Variants in SPRYD4 observed in about 807,000 individuals in gnomAD.
The protein encoded by SPRYD4 is SPRY domain containing 4.
A neutral mutation model predicts 16.6 loss-of-function variants in SPRYD4; 12 were observed. That is an observed-to-expected ratio of 0.72 (90% CI 0.46 to 1.17). The LOEUF (loss-of-function observed/expected upper bound fraction) is 1.17, where lower values mean the gene tolerates loss of function less well. SPRYD4 is among the 50% of genes most tolerant of loss of function. SPRYD4 has a pLI of 0.00. For synonymous variants in SPRYD4, 98 were observed against 105.4 expected (o/e 0.93, Z 0.43); for missense variants, 260 against 260.2 (o/e 1.00, Z 0.00).
chr12:56,476,014 T>G lies in SPRYD4; in HGVS notation c.*6437T>G. On this transcript the variant is annotated 3_prime_UTR_variant, in exon 2 of 2. Transcript: ENST00000338146. The stretch of plus-strand genomic sequence containing the variant: ...GAGAGAGATGTCAGCATTCTAAGTG[T>G]AGGAGGATGACAGAGGGAAGGGTCA... The G allele has an allele frequency of 6.2e-7, 1 of 1,604,548 alleles. No homozygotes were observed. The highest frequency in any genetic ancestry group is 8.5e-7 in the Non-Finnish European group (1 of 1,175,160).
rs1276252096 is a variant in SPRYD4, at chr12:56,471,098, C to G, written c.*1521C>G. On this transcript the variant is annotated 3_prime_UTR_variant, in exon 2 of 2. Transcript: ENST00000338146. ...CATGTATATAGCCATTCCCACTTCCCATATTCTGTGGATATGTACATGTGC... is the reference window on the plus strand; with the variant it reads ...CATGTATATAGCCATTCCCACTTCCGATATTCTGTGGATATGTACATGTGC... The G allele has an allele frequency of 8.3e-6, 3 of 363,114 alleles. No individual in the cohort carries two copies. Among genetic ancestry groups the G allele is most frequent in the Admixed American group, 4.5e-5 (1 of 22,148 alleles). The allele number at this position is 363,114 out of a possible 1,614,324, so 22.5% of individuals were successfully genotyped here.
At position 56,479,659 on chromosome 12, in the gene SPRYD4, ATAAG is replaced by A; in HGVS notation, c.*10086_*10089del. On this transcript the variant is annotated 3_prime_UTR_variant, in exon 2 of 2. Coordinates refer to ENST00000338146, the MANE Select transcript of SPRYD4 (RefSeq NM_207344.4). ...TGAGTATTCATGTATAACTTATGTAATAAGTAATAAAATAAAATGAGGAATTGAA... is the reference window on the plus strand; with the variant it reads ...TGAGTATTCATGTATAACTTATGTAATAATAAAATAAAATGAGGAATTGAA... 8.5e-7 allele frequency: 1 copy of A among 1,176,286 alleles called. No individual in the cohort carries two copies. Among genetic ancestry groups the A allele is most frequent in the Non-Finnish European group, 1.1e-6 (1 of 881,812 alleles). The allele number at this position is 1,176,286 out of a possible 1,614,324, so 72.9% of individuals were successfully genotyped here.
chr12:56,474,748 G>A lies in SPRYD4; in HGVS notation c.*5171G>A. The A allele has an allele frequency of 3.1e-6, 5 of 1,609,920 alleles. No individual in the cohort carries two copies. The highest frequency in any genetic ancestry group is 3.4e-6 in the Non-Finnish European group (4 of 1,177,230). On this transcript the variant is annotated 3_prime_UTR_variant, in exon 2 of 2. Transcript: ENST00000338146. Reference sequence around the variant, plus strand: ...ATGAAAACAAAGAATAGGTGAAGATGTGACGTGAACCTGCACATGGGACCC... The same window carrying A: ...ATGAAAACAAAGAATAGGTGAAGATATGACGTGAACCTGCACATGGGACCC...
At position 56,471,382 on chromosome 12, in the gene SPRYD4, C is replaced by T. The variant is rs1869243307; in HGVS notation, c.*1805C>T. The T allele has an allele frequency of 2.4e-6, 3 of 1,226,540 alleles. No homozygotes were observed. In the African/African-American group the frequency reaches 4.5e-5, roughly 18 times the overall value. The allele number at this position is 1,226,540 out of a possible 1,614,324, so 76.0% of individuals were successfully genotyped here. On this transcript the variant is annotated 3_prime_UTR_variant, in exon 2 of 2. Coordinates refer to ENST00000338146, the MANE Select transcript of SPRYD4 (RefSeq NM_207344.4). ...CTAAGTCACCAAATGACTGCTTGGT[C>T]CCCACTGAAGCAGTGTAGCTCTCCA...
chr12:56,472,075 G>T lies in SPRYD4; in HGVS notation c.*2498G>T. The T allele has an allele frequency of 6.3e-7, 1 of 1,595,068 alleles. No homozygotes were observed. Among genetic ancestry groups the T allele is most frequent in the Non-Finnish European group, 8.6e-7 (1 of 1,163,728 alleles). ...AGGTACTTTTGGTGAAAAAGAAAGG[G>T]TCTTATGATTACCCTCCTCCTCCCC... On this transcript the variant is annotated 3_prime_UTR_variant, in exon 2 of 2. Coordinates refer to ENST00000338146, the MANE Select transcript of SPRYD4 (RefSeq NM_207344.4).
Position 56,471,281 on chromosome 12 carries a change from G to T in SPRYD4, c.*1704G>T, listed in dbSNP as rs1438719835. The T allele has an allele frequency of 1.1e-5, 6 of 547,280 alleles. No homozygotes were observed. Among genetic ancestry groups the T allele is most frequent in the African/African-American group, 1.9e-5 (1 of 52,836 alleles). The allele number at this position is 547,280 out of a possible 1,614,324, so 33.9% of individuals were successfully genotyped here. A position where few individuals can be genotyped will look rare whatever the true frequency, so the allele number is the denominator to read the frequency against. ...GTCTCTCTGGATAGCTGTACTGCAG[G>T]TGTCCTCTGAGGCCCTTCTCTGTAC... On this transcript the variant is annotated 3_prime_UTR_variant, in exon 2 of 2. Transcript: ENST00000338146.
rs377467340 is a variant in SPRYD4 at position 56,472,771 on chromosome 12, C to T, written c.*3194C>T. On this transcript the variant is annotated 3_prime_UTR_variant, in exon 2 of 2. Transcript: ENST00000338146. ...CTTGTTCTGGAACACAAATCATACCCACATGACATTAATTGAACTCACCTA... is the reference window on the plus strand; with the variant it reads ...CTTGTTCTGGAACACAAATCATACCTACATGACATTAATTGAACTCACCTA... The T allele has an allele frequency of 1.0e-4, 162 of 1,612,570 alleles. No homozygotes were observed. Among genetic ancestry groups the T allele is most frequent in the Non-Finnish European group, 1.3e-4 (157 of 1,178,832 alleles).
chr12:56,469,467 G>C lies in SPRYD4; in HGVS notation c.514G>C (p.Val172Leu). 1 of 1,614,138 alleles carries C rather than the reference G, an allele frequency of 6.2e-7. No homozygotes were observed. Among genetic ancestry groups the C allele is most frequent in the Non-Finnish European group, 8.5e-7 (1 of 1,180,012 alleles). ...LSLVDVSQVS[V>L]VHTLQTDFRG... ...CCTGGTGGATGTGAGCCAGGTCTCT[G>C]TGGTTCACACGCTACAGACAGATTT... Residue 172 changes from valine to leucine, a missense_variant, in exon 2 of 2, where the codon GTG becomes CTG. By Grantham distance (32) the Val-to-Leu change is conservative. Transcript: ENST00000338146.
At position 56,475,270 on chromosome 12, in the gene SPRYD4, TG is replaced by T; in HGVS notation, c.*5694del. The stretch of plus-strand genomic sequence containing the variant: ...TAATATTAGAGGAAATTTCTGAACC[TG>T]AGCAAACACTCAGCATAGTTTTGTT... On this transcript the variant is annotated 3_prime_UTR_variant, in exon 2 of 2. Coordinates refer to ENST00000338146, the MANE Select transcript of SPRYD4 (RefSeq NM_207344.4). The T allele has an allele frequency of 6.5e-7, 1 of 1,532,084 alleles. No individual in the cohort carries two copies. The highest frequency in any genetic ancestry group is 8.8e-7 in the Non-Finnish European group (1 of 1,136,310). 94.9% of individuals were successfully genotyped at this position (1,532,084 alleles called of 1,614,324 possible).
rs1272070642 is a variant in SPRYD4, at chr12:56,474,197, C to G, written c.*4620C>G. 3.3e-6 allele frequency: 1 copy of G among 301,510 alleles called. No individual in the cohort carries two copies. The highest frequency in any genetic ancestry group is 2.2e-5 in the African/African-American group (1 of 44,488). The allele number at this position is 301,510 out of a possible 1,614,324, so 18.7% of individuals were successfully genotyped here. A position where few individuals can be genotyped will look rare whatever the true frequency, so the allele number is the denominator to read the frequency against. Reference sequence around the variant, plus strand: ...AACCTCTGCCTCCCAGGTTCAAGCACTTCTGCCTCAGCCTCCCAAGTAGCT... The same window carrying G: ...AACCTCTGCCTCCCAGGTTCAAGCAGTTCTGCCTCAGCCTCCCAAGTAGCT... On this transcript the variant is annotated 3_prime_UTR_variant, in exon 2 of 2. Coordinates refer to ENST00000338146, the MANE Select transcript of SPRYD4 (RefSeq NM_207344.4).
At position 56,473,378 on chromosome 12, in the gene SPRYD4, A is replaced by G. The variant is rs768620678; in HGVS notation, c.*3801A>G. On this transcript the variant is annotated 3_prime_UTR_variant, in exon 2 of 2. Coordinates refer to ENST00000338146, the MANE Select transcript of SPRYD4 (RefSeq NM_207344.4). ...ACTCCTTACACTTAGTAGGAGCTCA[A>G]AATTGCTTTATTATAGTAAAAGTGG... 2.5e-6 allele frequency: 4 copies of G among 1,605,318 alleles called. No homozygotes were observed. Among genetic ancestry groups the G allele is most frequent in the Non-Finnish European group, 3.4e-6 (4 of 1,175,020 alleles).
In SPRYD4 at chr12:56,478,207, G is replaced by C; in HGVS notation, c.*8630G>C. 1 of 1,614,228 alleles carries C rather than the reference G, an allele frequency of 6.2e-7. No homozygotes were observed. The highest frequency in any genetic ancestry group is 1.3e-5 in the African/African-American group (1 of 75,054). On this transcript the variant is annotated 3_prime_UTR_variant, in exon 2 of 2. Transcript: ENST00000338146. ...CCGTTGACCATCCACAGTGCACAGGGAGACACCCCACAGGTCTGGGTTTGA... is the reference window on the plus strand; with the variant it reads ...CCGTTGACCATCCACAGTGCACAGGCAGACACCCCACAGGTCTGGGTTTGA...
Position 56,473,315 on chromosome 12 carries a change from C to T in SPRYD4, c.*3738C>T. 1 of 1,614,062 alleles carries T rather than the reference C, an allele frequency of 6.2e-7. No homozygotes were observed. The highest frequency in any genetic ancestry group is 8.5e-7 in the Non-Finnish European group (1 of 1,180,004). On this transcript the variant is annotated 3_prime_UTR_variant, in exon 2 of 2. Coordinates refer to ENST00000338146, the MANE Select transcript of SPRYD4 (RefSeq NM_207344.4). The stretch of plus-strand genomic sequence containing the variant: ...AGTTGTGGAAATTGAAGAGAGACAC[C>T]AACTTCTAGAATTGTAAGCCAAATA...
Position 56,473,514 on chromosome 12 carries a change from T to A in SPRYD4, c.*3937T>A, listed in dbSNP as rs761630590. The A allele has an allele frequency of 6.2e-7, 1 of 1,613,808 alleles. No individual in the cohort carries two copies. The highest frequency in any genetic ancestry group is 1.7e-5 in the Admixed American group (1 of 60,002). Reference sequence around the variant, plus strand: ...TGTTCCCCAGCTTGTCCAATGGGGGTGACAGGCACATCATTCCCATGACAT... The same window carrying A: ...TGTTCCCCAGCTTGTCCAATGGGGGAGACAGGCACATCATTCCCATGACAT... On this transcript the variant is annotated 3_prime_UTR_variant, in exon 2 of 2. Transcript: ENST00000338146.
At position 56,474,455 on chromosome 12, in the gene SPRYD4, C is replaced by G. The variant is rs1159594330; in HGVS notation, c.*4878C>G. 11 of 1,524,950 alleles carry G rather than the reference C, an allele frequency of 7.2e-6. No individual in the cohort carries two copies. Among genetic ancestry groups the G allele is most frequent in the Non-Finnish European group, 9.8e-6 (11 of 1,123,754 alleles). The allele number at this position is 1,524,950 out of a possible 1,614,324, so 94.5% of individuals were successfully genotyped here. A position where few individuals can be genotyped will look rare whatever the true frequency, so the allele number is the denominator to read the frequency against. The stretch of plus-strand genomic sequence containing the variant: ...GAAGTTAGTGAATGAGAGGCAGGAA[C>G]AAGCTTCCACCTCTATCTTGAGAGA... On this transcript the variant is annotated 3_prime_UTR_variant, in exon 2 of 2. Transcript: ENST00000338146.
Position 56,477,730 on chromosome 12 carries a change from C to G in SPRYD4, c.*8153C>G. The G allele has an allele frequency of 1.9e-6, 3 of 1,609,632 alleles. No individual in the cohort carries two copies. Among genetic ancestry groups the G allele is most frequent in the Non-Finnish European group, 1.7e-6 (2 of 1,177,876 alleles). On this transcript the variant is annotated 3_prime_UTR_variant, in exon 2 of 2. Transcript: ENST00000338146. The stretch of plus-strand genomic sequence containing the variant: ...GTTATGGGGGATTCCTGGGGAAATA[C>G]AAACCACCAAGAGTCTTAGCCACTG...
chr12:56,477,908 C>T lies in SPRYD4; in HGVS notation c.*8331C>T, dbSNP rs557241373. ...AAGGAGAAGGGGACAGCTGTAAGTA[C>T]GGTCTGAGCCTTGGTAGTGCTCACC... On this transcript the variant is annotated 3_prime_UTR_variant, in exon 2 of 2. Coordinates refer to ENST00000338146, the MANE Select transcript of SPRYD4 (RefSeq NM_207344.4). 17 of 1,602,804 alleles carry T rather than the reference C, an allele frequency of 1.1e-5. No individual in the cohort carries two copies. Among genetic ancestry groups the T allele is most frequent in the East Asian group, 4.5e-5 (2 of 44,790 alleles).
Position 56,473,766 on chromosome 12 carries a change from A to C in SPRYD4, c.*4189A>C. 1 of 706,318 alleles carries C rather than the reference A, an allele frequency of 1.4e-6. No homozygotes were observed. Among genetic ancestry groups the C allele is most frequent in the Non-Finnish European group, 2.2e-6 (1 of 462,684 alleles). 43.8% of individuals were successfully genotyped at this position (706,318 alleles called of 1,614,324 possible). A position where few individuals can be genotyped will look rare whatever the true frequency, so the allele number is the denominator to read the frequency against. On this transcript the variant is annotated 3_prime_UTR_variant, in exon 2 of 2. Transcript: ENST00000338146. ...ATTACTCCTGTCCTTTCCTTCCCTT[A>C]AATTCATTGATTCAGCTAGAAAATA...
In SPRYD4 at chr12:56,476,081, C is replaced by T. The variant is rs1592276062; in HGVS notation, c.*6504C>T. 3 of 1,097,684 alleles carry T rather than the reference C, an allele frequency of 2.7e-6. No homozygotes were observed. In the East Asian group the frequency reaches 7.2e-5, roughly 26 times the overall value. The allele number at this position is 1,097,684 out of a possible 1,614,324, so 68.0% of individuals were successfully genotyped here. A position where few individuals can be genotyped will look rare whatever the true frequency, so the allele number is the denominator to read the frequency against. On this transcript the variant is annotated 3_prime_UTR_variant, in exon 2 of 2. Coordinates refer to ENST00000338146, the MANE Select transcript of SPRYD4 (RefSeq NM_207344.4). The stretch of plus-strand genomic sequence containing the variant: ...TTCTAGTGTTAGTCTGGTCCTGCTG[C>T]TGCAAATGTGTTCAATTTTATAATG...
Sources: allele counts gnomAD v4.1 joint callset, GRCh38; gene constraint gnomAD v4.1.1; transcripts MANE v1.5; gene names NCBI Gene and HGNC (gene_info 2026-07-23, HGNC 2026-07-21).